CDC42BPA: variants seen among roughly 807,000 people sequenced by gnomAD.
CDC42BPA encodes serine/threonine-protein kinase MRCK alpha.
Under a neutral mutation model 223.5 loss-of-function variants are expected in CDC42BPA, and 80 were observed. That is an observed-to-expected ratio of 0.36 (90% CI 0.30 to 0.43). The LOEUF (loss-of-function observed/expected upper bound fraction) is 0.43. Among genes scored for constraint, CDC42BPA ranks in the 20% least tolerant of loss-of-function variants. The pLI, the probability that CDC42BPA is intolerant of heterozygous loss-of-function variation, is 1.00. For missense variants in CDC42BPA, 1,743 were observed against 2,099.9 expected, an observed-to-expected ratio of 0.83 and a Z score of 3.32; for synonymous variants, 694 against 718.6, an observed-to-expected ratio of 0.97 and a Z score of 0.55.
chr1:227,303,535 A>G (rs906178060), intron 1 of CDC42BPA, among the ~76,000 whole-genome samples: 9 of 152,214 alleles, frequency 5.9e-5, no homozygotes, highest in Non-Finnish European at 2.9e-5. Context: ...GAATTGCTCT[A>G]GAGTTTCTAC....
intron 16 of CDC42BPA, among the ~76,000 whole-genome samples, chr1:227,085,435 T>C (rs991332620): frequency 1.3e-5 from 2 of 152,254 alleles, no homozygotes; most frequent in Non-Finnish European, 2.9e-5. Context: ...ATCTGGGAGC[T>C]AGATTTGGCC....
intron 3 of CDC42BPA, among the ~76,000 whole-genome samples, chr1:227,211,985 G>A (rs183854428): frequency 4.3e-4 from 66 of 152,206 alleles, no homozygotes; most frequent in Non-Finnish European, 7.5e-4. Context: ...TTAGAGAAAG[G>A]ATGGACTTGG....
At chr1:227,246,111 C>T (rs1367739342) in intron 2 of CDC42BPA, among the ~76,000 whole-genome samples, 1 of 152,130 alleles carries the variant, frequency 6.6e-6, no homozygotes, top group Non-Finnish European at 1.5e-5. Context: ...GCACTCACCA[C>T]AAGCTGATGA....
intron 18 of CDC42BPA, 120 bp from the exon 19 acceptor site, chr1:227,074,132 C>A: frequency 7.4e-7 from 1 of 1,352,376 alleles, no homozygotes; most frequent in South Asian, 1.3e-5. Context: ...ATAGTTTTCT[C>A]ATAAAAAACT....
intron 1 of CDC42BPA, among the ~76,000 whole-genome samples, chr1:227,286,318 G>A (rs1444022019): frequency 6.6e-6 from 1 of 152,138 alleles, no homozygotes; most frequent in African/African-American, 2.4e-5. Context: ...AATTTCTTCT[G>A]CCAGTTAGTC....
At chr1:227,298,460 T>A (rs1333198102) in intron 1 of CDC42BPA, among the ~76,000 whole-genome samples, 5 of 152,114 alleles carry the variant, frequency 3.3e-5, no homozygotes, top group Non-Finnish European at 7.4e-5. Flanking sequence ...GTTGGTGCTA[T>A]AACCTAAAAA....
intron 19 of CDC42BPA, among the ~76,000 whole-genome samples, chr1:227,073,385 A>G (rs1373999137): frequency 1.3e-5 from 2 of 152,120 alleles, no homozygotes; most frequent in Non-Finnish European, 2.9e-5. Flanking sequence ...TAAATACATA[A>G]AGAAACATGA....
chr1:226,997,359 T>G (rs890334720), intron 35 of CDC42BPA, among the ~76,000 whole-genome samples: 4 of 152,152 alleles, frequency 2.6e-5, no homozygotes, highest in African/African-American at 9.7e-5. Context: ...TTCTTATTAG[T>G]CTGGCTAGCG....
At chr1:227,021,886 G>A (rs575983017) in intron 32 of CDC42BPA, among the ~76,000 whole-genome samples, 98 of 151,982 alleles carry the variant, frequency 6.4e-4, no homozygotes, top group African/African-American at 2.3e-3. Flanking sequence ...TGGGCATGGT[G>A]GTGCGTGCCT....
intron 35 of CDC42BPA, 134 bp downstream of exon 35, chr1:227,004,860 G>T: frequency 1.3e-6 from 1 of 784,452 alleles, no homozygotes; most frequent in Admixed American, 1.7e-5. Flanking sequence ...ACCCAGCAGG[G>T]TCTGAGACAC....
chr1:227,026,936 T>TGCAA (rs1668364367), intron 30 of CDC42BPA, among the ~76,000 whole-genome samples: 1 of 152,018 alleles, frequency 6.6e-6, no homozygotes, highest in Non-Finnish European at 1.5e-5. Flanking sequence ...ACAACAGGCA[T>TGCAA]GCAACCACTA....
chr1:227,213,124 T>G lies in CDC42BPA; in HGVS notation c.354+12A>C. The G allele has an allele frequency of 7.7e-7, 1 of 1,306,386 alleles. No individual in the cohort carries two copies. Among genetic ancestry groups the G allele is most frequent in the Middle Eastern group, 1.9e-4 (1 of 5,180 alleles). The allele number at this position is 1,306,386 out of a possible 1,614,324, so 80.9% of individuals were successfully genotyped here. A position where few individuals can be genotyped will look rare whatever the true frequency, so the allele number is the denominator to read the frequency against. On this transcript the variant is annotated intron_variant, in intron 3 of 36. Coordinates refer to ENST00000366766, the MANE Select transcript of CDC42BPA (RefSeq NM_001394014.1). Reference sequence around the variant, plus strand: ...TAAAATATTTATATATTCCAATACATAAGACTCTTACCTCAGCTCTTTTCA... The same window carrying G: ...TAAAATATTTATATATTCCAATACAGAAGACTCTTACCTCAGCTCTTTTCA...
At chr1:227,121,489 C>A (rs116077791) in intron 11 of CDC42BPA, among the ~76,000 whole-genome samples, 4,259 of 152,210 alleles carry the variant, frequency 0.028, 84 homozygotes, top group Non-Finnish European at 0.04. Context: ...AGATTTAAAA[C>A]CTACTTTGAA....
intron 3 of CDC42BPA, among the ~76,000 whole-genome samples, chr1:227,200,456 C>T (rs1339135157): frequency 8.1e-5 from 10 of 122,916 alleles, no homozygotes; most frequent in Admixed American, 3.2e-4. Flanking sequence ...AAAAAAAAAA[C>T]GAAAGAAAGA....
At chr1:227,039,032 G>C (rs781552462) in intron 24 of CDC42BPA, among the ~76,000 whole-genome samples, 10 of 152,170 alleles carry the variant, frequency 6.6e-5, no homozygotes, top group Non-Finnish European at 1.3e-4. Flanking sequence ...TCTTCACCAT[G>C]ACAATGCTCC....
chr1:227,108,487 C>T (rs552767386), intron 14 of CDC42BPA, among the ~76,000 whole-genome samples: 2 of 151,808 alleles, frequency 1.3e-5, no homozygotes, highest in South Asian at 4.2e-4. Context: ...CTTCAATCTT[C>T]TTCCATTTAC....
chr1:227,148,772 C>CAAAAAAAA lies in CDC42BPA; in HGVS notation c.694-1221_694-1214dup, dbSNP rs57635319. Among the ~76,000 whole-genome samples, 21 of 78,790 alleles carry CAAAAAAAA rather than the reference C, an allele frequency of 2.7e-4. 1 individual carries two copies. The highest frequency in any genetic ancestry group is 1.4e-3 in the East Asian group (3 of 2,162). The allele number at this position is 78,790 out of a possible 152,430, so 51.7% of individuals were successfully genotyped here. A position where few individuals can be genotyped will look rare whatever the true frequency, so the allele number is the denominator to read the frequency against. On this transcript the variant is annotated intron_variant, in intron 6 of 36. Transcript: ENST00000366766. ...ACAGAGCAAGACTCGGTCTCAAAAG[C>CAAAAAAAA]AAAAAAAAAAAAAAAAAAAAAAAAA... is the stretch of plus-strand genomic sequence containing the variant.
intron 2 of CDC42BPA, among the ~76,000 whole-genome samples, chr1:227,244,299 A>G (rs1349685720): frequency 6.6e-6 from 1 of 152,244 alleles, no homozygotes; most frequent in African/African-American, 2.4e-5. Context: ...AACTTGTGAC[A>G]TATTCATATT....
intron 2 of CDC42BPA, among the ~76,000 whole-genome samples, chr1:227,253,649 T>TACAC (rs1343897789): frequency 1.8e-5 from 2 of 113,696 alleles, no homozygotes; most frequent in African/African-American, 7.3e-5. Flanking sequence ...CATACATACA[T>TACAC]TCATACATAA....
Sources: allele counts gnomAD v4.1 joint callset (sites outside exome capture counted in the v4.1 genomes callset), GRCh38; gene constraint gnomAD v4.1.1; transcripts MANE v1.5; gene names NCBI Gene and HGNC (gene_info 2026-07-23, HGNC 2026-07-21).